The following KRI1 variants were observed in gnomAD, a reference collection of about 807,000 sequenced individuals.
KRI1 encodes the protein KRI1 homolog, also known as protein KRI1 homolog.
A neutral mutation model predicts 97.0 loss-of-function variants in KRI1; 83 were observed. The observed-to-expected ratio is 0.86, with a 90% CI of 0.72 to 1.03. KRI1 has a LOEUF of 1.03. Ranked by LOEUF, KRI1 falls within the 50% of genes least tolerant of loss-of-function variation. The pLI is 0.00. For synonymous variants in KRI1, 371 were observed against 363.5 expected (o/e 1.02, Z -0.23); for missense variants, 916 against 928.4 (o/e 0.99, Z 0.17).
At chr19:10,554,584 C>T (rs1443063938) in intron 18 of KRI1, among the ~76,000 whole-genome samples, 2 of 152,022 alleles carry the variant, frequency 1.3e-5, no homozygotes, top group South Asian at 2.1e-4. Context: ...CTTGCTGTGT[C>T]GCCCAGGCTG....
Position 10,565,904 on chromosome 19 carries a change from A to G in KRI1, c.94+2T>C. ...TCCCGCGCGCATGCGCCCCGCACTC[A>G]CGCCGCTGCAGTTCCTCGCGCTCCC... On this transcript the variant is annotated splice_donor_variant, in intron 1 of 18. Coordinates refer to ENST00000312962, the MANE Select transcript of KRI1 (RefSeq NM_023008.5). LOFTEE classifies it high-confidence loss of function. 1 of 1,530,974 alleles carries G rather than the reference A, an allele frequency of 6.5e-7. No individual in the cohort carries two copies. The highest frequency in any genetic ancestry group is 8.8e-7 in the Non-Finnish European group (1 of 1,138,776). The allele number at this position is 1,530,974 out of a possible 1,614,324, so 94.8% of individuals were successfully genotyped here.
chr19:10,555,673 G>A (rs1301546617), intron 16 of KRI1, among the ~76,000 whole-genome samples: 6 of 152,338 alleles, frequency 3.9e-5, no homozygotes, highest in East Asian at 1.9e-4. Flanking sequence ...GGCAGGGGTC[G>A]CTGCCAACCA....
intron 16 of KRI1, 47 bp downstream of exon 16, chr19:10,557,505 C>A: frequency 6.3e-7 from 1 of 1,585,290 alleles, no homozygotes; most frequent in Non-Finnish European, 8.6e-7. Context: ...ACCCCTTCGG[C>A]ATACCTGGTG....
chr19:10,563,266 G>T (rs1021385491), intron 3 of KRI1, among the ~76,000 whole-genome samples: 3 of 151,844 alleles, frequency 2.0e-5, no homozygotes, highest in African/African-American at 7.3e-5. Flanking sequence ...ATGTTGGTCA[G>T]GTTGGTCTCG....
rs1480605453 is a variant in KRI1 at position 10,558,244 on chromosome 19, A to G, written c.1195-5T>C. The G allele has an allele frequency of 2.5e-6, 4 of 1,613,922 alleles. No homozygotes were observed. In the Admixed American group the frequency reaches 5.0e-5, roughly 20 times the overall value. ...GTACTCGTCCCCAAAGCACTTCTGC[A>G]GGGTCAGGGCTGGCGGTTACCAGAG... On this transcript the variant is annotated splice_polypyrimidine_tract_variant and splice_region_variant and intron_variant, in intron 12 of 18. Coordinates refer to ENST00000312962, the MANE Select transcript of KRI1 (RefSeq NM_023008.5).
intron 4 of KRI1, among the ~76,000 whole-genome samples, chr19:10,562,317 T>C (rs1156808593): frequency 2.0e-5 from 3 of 152,094 alleles, no homozygotes; most frequent in Non-Finnish European, 2.9e-5. Flanking sequence ...CCCAAGGTGC[T>C]GGTATTACAG....
chr19:10,555,032 C>T, intron 18 of KRI1, 55 bp downstream of exon 18: 1 of 1,438,706 alleles, frequency 7.0e-7, no homozygotes, highest in South Asian at 1.2e-5. Flanking sequence ...AGCCAAGACT[C>T]AAGCCTGGGC....
chr19:10,565,815 C>CCA (rs1555750208), intron 1 of KRI1, 25 bp from the exon 2 acceptor site: 10 of 1,551,918 alleles, frequency 6.4e-6, no homozygotes, highest in African/African-American at 4.2e-5. Flanking sequence ...CGGGATGCCC[C>CCA]CCCCCAGGTC....
At chr19:10,565,627 T>C in intron 2 of KRI1, 90 bp downstream of exon 2, 2 of 1,449,164 alleles carry the variant, frequency 1.4e-6, no homozygotes, top group Non-Finnish European at 1.8e-6. Flanking sequence ...CGCTCTGGGG[T>C]TGGGGGTTCC....
At position 10,559,682 on chromosome 19, in the gene KRI1, C is replaced by T. The variant is rs549280035; in HGVS notation, c.954G>A (p.Ala318=). ...ASVKTYPRSI[A]SSVRRKDERR... Reference sequence around the variant, plus strand: ...GCTCATCCTTACGGCGCACGGAGGACGCGATGCTGCGTGGGTAGGTCTTGA... The same window carrying T: ...GCTCATCCTTACGGCGCACGGAGGATGCGATGCTGCGTGGGTAGGTCTTGA... Residue 318 remains alanine (A), a synonymous_variant, in exon 11 of 19, where the codon GCG becomes GCA. Transcript: ENST00000312962. 31 of 1,614,028 alleles carry T rather than the reference C, an allele frequency of 1.9e-5. No homozygotes were observed. In the East Asian group the frequency reaches 4.7e-4, roughly 24 times the overall value.
rs3087689 is a variant in KRI1, at chr19:10,553,956, A to G, written c.2107T>C (p.Ser703Pro). The G allele has an allele frequency of 0.28, 439,583 of 1,596,110 alleles. 66,180 individuals carry two copies. The highest frequency in any genetic ancestry group is 0.55 in the African/African-American group (41,292 of 74,412). ...CCCTGCCTGCTCCCTGGTGCTCAGG[A>G]GCTGTTCTTGGGCCCCTGTTGTTTC... ...RRKQQGPKNS[S>P] The change falls in exon 19 of 19, where the codon TCC becomes CCC. Residue 703 changes from serine to proline, a missense_variant. This residue lies in a region of KRI1 where 672 missense variants were observed against 667.2 expected (regional missense o/e 1.01). Transcript: ENST00000312962.
chr19:10,565,208 G>A, intron 2 of KRI1, 174 bp from the exon 3 acceptor site: 2 of 635,468 alleles, frequency 3.1e-6, no homozygotes, highest in Non-Finnish European at 2.8e-6. Flanking sequence ...GTGGGCAGGG[G>A]CAGGCCACAG....
rs1326322765 is a variant in KRI1 at position 10,560,492 on chromosome 19, G to A, written c.664-44C>T. 4 of 1,458,026 alleles carry A rather than the reference G, an allele frequency of 2.7e-6. No homozygotes were observed. The South Asian group carries it at 3.7e-5, about 13-fold the overall frequency. The allele number at this position is 1,458,026 out of a possible 1,614,324, so 90.3% of individuals were successfully genotyped here. A position where few individuals can be genotyped will look rare whatever the true frequency, so the allele number is the denominator to read the frequency against. ...AGGACTCTGGTCAATGGAGGACAGG[G>A]AAGGAGGGCAGGCATGCTCACCACA... is the stretch of plus-strand genomic sequence containing the variant. On this transcript the variant is annotated intron_variant, in intron 8 of 18. Transcript: ENST00000312962.
chr19:10,558,169 A>T lies in KRI1; in HGVS notation c.1265T>A (p.Leu422His), dbSNP rs371992270. ...EKPQFEEEEG[L>H]EDDWNWDTWD... The stretch of plus-strand genomic sequence containing the variant: ...AGTGCCCCAGCTGATCTCACCTTCA[A>T]GCCCTTCTTCTTCCTCAAATTGTGG... The change falls in exon 13 of 19, where the codon CTT becomes CAT. Residue 422 changes from leucine (L) to histidine (H), a missense_variant. Transcript: ENST00000312962. The T allele has an allele frequency of 6.2e-7, 1 of 1,613,640 alleles. No individual in the cohort carries two copies. Among genetic ancestry groups the T allele is most frequent in the Non-Finnish European group, 8.5e-7 (1 of 1,179,908 alleles).
chr19:10,555,313 A>G lies in KRI1; in HGVS notation c.1654T>C (p.Cys552Arg). Residue 552 changes from cysteine to arginine, a missense_variant, in exon 17 of 19, where the codon TGC (cysteine) becomes CGC (arginine). Cys to Arg is a radical substitution (Grantham distance 180). This residue lies in a region of KRI1 where 672 missense variants were observed against 667.2 expected (regional missense o/e 1.01). Transcript: ENST00000312962. ...AADDKELNRW[C>R]SLKKTCMYRS... ...TACATGCAGGTCTTCTTTAGGGAGC[A>G]CCACCGGTTCAGCTCCTTATCGTCA... 1 of 1,612,340 alleles carries G rather than the reference A, an allele frequency of 6.2e-7. No individual in the cohort carries two copies. Among genetic ancestry groups the G allele is most frequent in the Non-Finnish European group, 8.5e-7 (1 of 1,179,466 alleles).
Position 10,565,976 on chromosome 19 carries a change from C to G in KRI1, c.24G>C (p.Ser8=), listed in dbSNP as rs1280912589. The G allele has an allele frequency of 6.6e-7, 1 of 1,524,318 alleles. No homozygotes were observed. The highest frequency in any genetic ancestry group is 1.2e-5 in the South Asian group (1 of 82,372). 94.4% of individuals were successfully genotyped at this position (1,524,318 alleles called of 1,614,324 possible). A position where few individuals can be genotyped will look rare whatever the true frequency, so the allele number is the denominator to read the frequency against. The part of the protein sequence containing the change: MPEPRGS[S]QLRVNAAFAA... Reference sequence around the variant, plus strand: ...CAAACGCCGCGTTCACCCGCAGCTGCGACGACCCGCGCGGTTCCGGCATGG... The same window carrying G: ...CAAACGCCGCGTTCACCCGCAGCTGGGACGACCCGCGCGGTTCCGGCATGG... The change falls in exon 1 of 19, where the codon TCG becomes TCC. Residue 8 remains serine (S), a synonymous_variant. Coordinates refer to ENST00000312962, the MANE Select transcript of KRI1 (RefSeq NM_023008.5).
chr19:10,558,768 A>T (rs2360749), intron 12 of KRI1, among the ~76,000 whole-genome samples: 4 of 151,446 alleles, frequency 2.6e-5, no homozygotes, highest in Non-Finnish European at 4.4e-5. Context: ...TACAATGGCG[A>T]GATCTTGGCT....
At chr19:10,558,699 C>T (rs752367685) in intron 12 of KRI1, among the ~76,000 whole-genome samples, 13 of 152,096 alleles carry the variant, frequency 8.5e-5, no homozygotes, top group South Asian at 2.1e-4. Flanking sequence ...TGTGCCACCA[C>T]GCCCGGCTAA....
chr19:10,561,133 T>C (rs377535012), intron 7 of KRI1, 36 bp downstream of exon 7: 337 of 1,612,646 alleles, frequency 2.1e-4, no homozygotes, highest in Non-Finnish European at 2.8e-4. Flanking sequence ...CCCGCCACCC[T>C]GTCCCCCAGC....
Sources: allele counts gnomAD v4.1 joint callset (sites outside exome capture counted in the v4.1 genomes callset), GRCh38; gene constraint gnomAD v4.1.1; regional missense constraint gnomAD v4.1.1; transcripts MANE v1.5; gene names NCBI Gene and HGNC (gene_info 2026-07-23, HGNC 2026-07-21).